The following ETF1 variants were observed in gnomAD, a reference collection of about 807,000 sequenced individuals.
The protein encoded by ETF1 is eukaryotic translation termination factor 1.
A neutral mutation model predicts 55.1 loss-of-function variants in ETF1; 4 were observed. The ratio of observed to expected loss-of-function variants is 0.07; its 90% confidence interval spans 0.04 to 0.17. ETF1 has a LOEUF of 0.17. ETF1 is among the 10% of genes least tolerant of loss of function. ETF1 has a pLI of 1.00. For synonymous variants in ETF1, 157 were observed against 182.3 expected, an observed-to-expected ratio of 0.86 and a Z score of 1.12; for missense variants, 142 against 523.6, an observed-to-expected ratio of 0.27 and a Z score of 7.11.
chr5:138,526,990 A>G lies in ETF1; in HGVS notation c.87-8123T>C, dbSNP rs1261173865. ...ACTGGGATTACAGGCATGAGCCACC[A>G]TGCCTGACCTTCTAATTTTTGTATT... On this transcript the variant is annotated intron_variant, in intron 2 of 10. Transcript: ENST00000360541. Among the ~76,000 whole-genome samples, 6 of 152,138 alleles carry G rather than the reference A, an allele frequency of 3.9e-5. 1 individual carries two copies. The East Asian group carries it at 1.2e-3, about 29-fold the overall frequency.
rs576054937 is a variant in ETF1 at position 138,513,909 on chromosome 5, C to T, written c.403-203G>A. ...AAATTTGAACCCAATAAGGAAATAA[C>T]GAATGATATCTATGTGAAGCTTTTC... On this transcript the variant is annotated intron_variant, in intron 4 of 10. Transcript: ENST00000360541. 2.0e-5 allele frequency: 17 copies of T among 861,528 alleles called. No individual in the cohort carries two copies. The East Asian group carries it at 1.2e-3, about 62-fold the overall frequency. 53.4% of individuals were successfully genotyped at this position (861,528 alleles called of 1,614,324 possible). A position where few individuals can be genotyped will look rare whatever the true frequency, so the allele number is the denominator to read the frequency against.
At chr5:138,542,600 G>C (rs1766229041) in intron 2 of ETF1, 1 of 1,399,286 alleles carries the variant, frequency 7.1e-7, no homozygotes, top group Non-Finnish European at 9.3e-7. Flanking sequence ...GAGGGGGGCC[G>C]AGTGATCTAA....
intron 1 of ETF1, 42 bp downstream of exon 1, chr5:138,543,055 C>T (rs1766254976): frequency 2.3e-6 from 2 of 872,358 alleles, no homozygotes; most frequent in South Asian, 3.3e-5. Context: ...TCCGGTGCAG[C>T]TCGCCACAAA....
In ETF1 at chr5:138,507,276, T is replaced by C. The variant is rs1037824450; in HGVS notation, c.*1029A>G. The C allele has an allele frequency of 2.7e-5, 4 of 148,786 alleles. No individual in the cohort carries two copies. The highest frequency in any genetic ancestry group is 6.0e-5 in the Non-Finnish European group (4 of 67,094). 9.2% of individuals were successfully genotyped at this position (148,786 alleles called of 1,614,324 possible). ...AGGAGGTCAGGAGTTTATAATTACA[T>C]GCAGTCATACATGTCTGTCGTTCCT... On this transcript the variant is annotated 3_prime_UTR_variant, in exon 11 of 11. Coordinates refer to ENST00000360541, the MANE Select transcript of ETF1 (RefSeq NM_004730.4).
intron 6 of ETF1, 77 bp from the exon 7 acceptor site, chr5:138,511,681 C>T: frequency 1.4e-6 from 2 of 1,480,274 alleles, no homozygotes; most frequent in South Asian, 1.4e-5. Context: ...TACTCAAACC[C>T]ACTAACTCTT....
intron 2 of ETF1, among the ~76,000 whole-genome samples, chr5:138,536,791 A>C (rs1420147890): frequency 6.6e-6 from 1 of 152,120 alleles, no homozygotes. Context: ...ATGAAGTACC[A>C]TCCCAGGACA....
intron 4 of ETF1, among the ~76,000 whole-genome samples, chr5:138,514,552 A>C (rs779746466): frequency 2.6e-5 from 4 of 151,880 alleles, no homozygotes; most frequent in South Asian, 4.2e-4. Flanking sequence ...AAAAACAAAA[A>C]AACTTTAACT....
In ETF1 at chr5:138,529,921, A is replaced by C. The variant is rs544654404; in HGVS notation, c.87-11054T>G. On this transcript the variant is annotated intron_variant, in intron 2 of 10. Transcript: ENST00000360541. ...CCACGCTCAGCTAATTTTTCTTTTT[A>C]TTTTCGAGATAGGATCTCACAAGGC... Among the ~76,000 whole-genome samples, 31 of 151,932 alleles carry C rather than the reference A, an allele frequency of 2.0e-4. No individual in the cohort carries two copies. The South Asian group carries it at 6.5e-3, about 32-fold the overall frequency.
At chr5:138,533,427 C>T (rs1391852941) in intron 2 of ETF1, among the ~76,000 whole-genome samples, 1 of 152,090 alleles carries the variant, frequency 6.6e-6, no homozygotes. Context: ...GTGGCTCACG[C>T]CTGTAATCCC....
At chr5:138,541,440 TG>T in intron 2 of ETF1, 1 of 1,022,462 alleles carries the variant, frequency 9.8e-7, no homozygotes, top group Non-Finnish European at 1.5e-6. Context: ...CGTCACTGAA[TG>T]GGGCCAAACT....
chr5:138,531,548 C>T (rs777075205), intron 2 of ETF1, among the ~76,000 whole-genome samples: 10 of 152,218 alleles, frequency 6.6e-5, no homozygotes, highest in African/African-American at 9.7e-5. Flanking sequence ...TTGTAAATCA[C>T]GTTAACTACT....
At chr5:138,512,594 A>ATTT in intron 6 of ETF1, 170 bp downstream of exon 6, 1 of 525,264 alleles carries the variant, frequency 1.9e-6, no homozygotes, top group South Asian at 3.3e-5. Flanking sequence ...GGTTCAGAAA[A>ATTT]GCACAGGGGA....
chr5:138,510,357 C>CAAAAAAAAAA (rs57906231), intron 9 of ETF1, among the ~76,000 whole-genome samples: 34 of 64,798 alleles, frequency 5.2e-4, no homozygotes, highest in African/African-American at 2.0e-3. Context: ...GACCTTGTCT[C>CAAAAAAAAAA]AAAAAAAAAA....
chr5:138,512,248 A>ATATATATTT (rs1554137496), intron 6 of ETF1, among the ~76,000 whole-genome samples: 3 of 11,856 alleles, frequency 2.5e-4, no homozygotes, highest in African/African-American at 8.3e-4. Flanking sequence ...ATATATATAT[A>ATATATATTT]TATATATATA....
chr5:138,538,455 GC>G (rs1766038341), intron 2 of ETF1, among the ~76,000 whole-genome samples: 1 of 152,222 alleles, frequency 6.6e-6, no homozygotes, highest in Admixed American at 6.5e-5. Context: ...CTCCCAAAGT[GC>G]TGGGATTACA....
At chr5:138,517,855 T>C in intron 3 of ETF1, 155 bp from the exon 4 acceptor site, 1 of 984,762 alleles carries the variant, frequency 1.0e-6, no homozygotes. Context: ...GGCAGAACTC[T>C]CTCCCTAATT....
In ETF1 at chr5:138,524,885, CTT is replaced by C. The variant is rs1231053644; in HGVS notation, c.87-6020_87-6019del. On this transcript the variant is annotated intron_variant, in intron 2 of 10. Coordinates refer to ENST00000360541, the MANE Select transcript of ETF1 (RefSeq NM_004730.4). ...GCCACCGTGCCCGGCCAGGATATTT[CTT>C]TCTTTCTTTTCTTCCTTCCTTTCCC... is the stretch of plus-strand genomic sequence containing the variant. 2.6e-5 allele frequency among the ~76,000 whole-genome samples: 4 copies of C among 151,410 alleles called. No individual in the cohort carries two copies. The East Asian group carries it at 7.8e-4, about 30-fold the overall frequency.
chr5:138,533,040 A>G (rs1231955067), intron 2 of ETF1, among the ~76,000 whole-genome samples: 3 of 152,044 alleles, frequency 2.0e-5, no homozygotes, highest in Non-Finnish European at 4.4e-5. Context: ...CCCGGGTTCA[A>G]GCAATTCTCT....
chr5:138,531,462 G>C (rs958429825), intron 2 of ETF1, among the ~76,000 whole-genome samples: 4 of 152,144 alleles, frequency 2.6e-5, no homozygotes, highest in Non-Finnish European at 5.9e-5. Context: ...AATGAATTGT[G>C]ACAGCTCAGA....
Sources: allele counts gnomAD v4.1 joint callset (sites outside exome capture counted in the v4.1 genomes callset), GRCh38; gene constraint gnomAD v4.1.1; transcripts MANE v1.5; gene names NCBI Gene and HGNC (gene_info 2026-07-23, HGNC 2026-07-21).